STXBP4: variants seen among roughly 807,000 people sequenced by gnomAD.
The protein encoded by STXBP4 is syntaxin binding protein 4.
STXBP4 carries 55 observed loss-of-function variants against 76.1 expected under a neutral mutation model. That is an observed-to-expected ratio of 0.72 (90% CI 0.58 to 0.91). STXBP4 has a LOEUF of 0.91. Among genes scored for constraint, STXBP4 ranks in the 40% least tolerant of loss-of-function variants. The pLI is 0.00. For missense variants in STXBP4, 618 were observed against 636.9 expected (o/e 0.97, Z 0.32); for synonymous variants, 201 against 220.2 (o/e 0.91, Z 0.77).
At chr17:54,981,058 T>G (rs1598150011) in intron 1 of STXBP4, among the ~76,000 whole-genome samples, 1 of 152,194 alleles carries the variant, frequency 6.6e-6, no homozygotes, top group African/African-American at 2.4e-5. Context: ...GCCAAAAGAT[T>G]GGCCACCCCT....
intron 16 of STXBP4, among the ~76,000 whole-genome samples, chr17:55,094,530 G>T (rs1239805688): frequency 6.6e-6 from 1 of 152,096 alleles, no homozygotes; most frequent in African/African-American, 2.4e-5. Flanking sequence ...TAGTGTGTCA[G>T]CATGTATAAC....
At chr17:55,008,207 C>A in intron 8 of STXBP4, among the ~76,000 whole-genome samples, 2 of 151,420 alleles carry the variant, frequency 1.3e-5, no homozygotes, top group Admixed American at 6.6e-5. Context: ...GAAAAATAAG[C>A]CCCTTTTTTT....
chr17:55,081,115 T>A lies in STXBP4; in HGVS notation c.1421T>A (p.Ile474Asn). Residue 474 changes from isoleucine to asparagine, a missense_variant, in exon 16 of 18, where the codon ATC becomes AAC. Coordinates refer to ENST00000376352, the MANE Select transcript of STXBP4 (RefSeq NM_178509.6). Reference protein sequence around the residue: ...LTPLGRNGRSIPATLALESKE... With the variant: ...LTPLGRNGRSNPATLALESKE... ...CCACTGGGAAGGAATGGACGTAGCA[T>A]CCCAGCAACGCTGGCGCTTGAATCT... The A allele has an allele frequency of 6.4e-7, 1 of 1,558,424 alleles. No individual in the cohort carries two copies. Among genetic ancestry groups the A allele is most frequent in the Non-Finnish European group, 8.6e-7 (1 of 1,156,236 alleles).
At chr17:55,202,973 T>G in the STXBP4 span, among the ~76,000 whole-genome samples, 1 of 152,198 alleles carries the variant, frequency 6.6e-6, no homozygotes, top group Non-Finnish European at 1.5e-5. Flanking sequence ...AAGCTTCATT[T>G]TTCCACTAAG....
Position 55,078,124 on chromosome 17 carries a change from A to G in STXBP4, c.1235A>G (p.Gln412Arg), listed in dbSNP as rs1567751309. ...AAGAGAATCATGGTACTCGACTGCC[A>G]ATTACGAAAATCAGAAATGGCTCGA... ...LKKRIMVLDC[Q>R]LRKSEMARKT... The change falls in exon 14 of 18, where the codon CAA becomes CGA. Residue 412 changes from glutamine to arginine, a missense_variant. Gln to Arg is a conservative substitution (Grantham distance 43). Transcript: ENST00000376352. 2 of 1,612,550 alleles carry G rather than the reference A, an allele frequency of 1.2e-6. No individual in the cohort carries two copies. The highest frequency in any genetic ancestry group is 1.7e-6 in the Non-Finnish European group (2 of 1,179,220).
intron 8 of STXBP4, among the ~76,000 whole-genome samples, chr17:55,026,528 G>A (rs1326958726): frequency 6.6e-6 from 1 of 152,128 alleles, no homozygotes; most frequent in African/African-American, 2.4e-5. Context: ...TACACTATGA[G>A]CCAGCCAAAA....
the STXBP4 span, among the ~76,000 whole-genome samples, chr17:55,210,869 C>T: frequency 6.6e-6 from 1 of 152,110 alleles, no homozygotes; most frequent in South Asian, 2.1e-4. Flanking sequence ...CTTTAAATGG[C>T]TATATAATAT....
At chr17:55,185,145 A>T in the STXBP4 span, among the ~76,000 whole-genome samples, 1 of 152,084 alleles carries the variant, frequency 6.6e-6, no homozygotes, top group Non-Finnish European at 1.5e-5. Context: ...TGCTGGAATT[A>T]CAGGCATGAA....
At chr17:54,974,713 T>C (rs1222934960) in intron 1 of STXBP4, among the ~76,000 whole-genome samples, 2 of 152,222 alleles carry the variant, frequency 1.3e-5, no homozygotes, top group Non-Finnish European at 2.9e-5. Flanking sequence ...CAGGGCAAGC[T>C]GGTGGTGTTA....
chr17:55,013,334 G>A (rs965551563), intron 8 of STXBP4, among the ~76,000 whole-genome samples: 2 of 152,220 alleles, frequency 1.3e-5, no homozygotes, highest in African/African-American at 4.8e-5. Context: ...TTAGGGCCTG[G>A]AAAGCCACTT....
chr17:55,028,005 C>A (rs2078444880), intron 8 of STXBP4, among the ~76,000 whole-genome samples: 1 of 151,926 alleles, frequency 6.6e-6, no homozygotes, highest in South Asian at 2.1e-4. Context: ...ATAAGTCTTA[C>A]CTCTGGGAAT....
chr17:55,205,881 A>G, the STXBP4 span, among the ~76,000 whole-genome samples: 1 of 152,100 alleles, frequency 6.6e-6, no homozygotes, highest in Non-Finnish European at 1.5e-5. Context: ...TCCTCCTACA[A>G]AAATATTGGC....
At chr17:55,130,441 AT>A (rs1291646537) in intron 16 of STXBP4, among the ~76,000 whole-genome samples, 1 of 152,216 alleles carries the variant, frequency 6.6e-6, no homozygotes, top group African/African-American at 2.4e-5. Context: ...GTACAATGTG[AT>A]GTTTCAGTAT....
chr17:55,047,184 T>A, intron 12 of STXBP4, 30 bp downstream of exon 12: 1 of 1,144,500 alleles, frequency 8.7e-7, no homozygotes, highest in Non-Finnish European at 1.2e-6. Context: ...ATATATGTGC[T>A]CGTGTGTGTG....
At chr17:55,206,144 A>G in the STXBP4 span, among the ~76,000 whole-genome samples, 4 of 152,172 alleles carry the variant, frequency 2.6e-5, no homozygotes, top group Admixed American at 6.5e-5. Flanking sequence ...ATTATTCCAT[A>G]TACATTATGT....
the STXBP4 span, among the ~76,000 whole-genome samples, chr17:55,190,777 G>A: frequency 6.6e-6 from 1 of 152,090 alleles, no homozygotes; most frequent in African/African-American, 2.4e-5. Flanking sequence ...GTGCCAGCTG[G>A]TATTGTTAAC....
intron 16 of STXBP4, among the ~76,000 whole-genome samples, chr17:55,115,938 G>A (rs962721859): frequency 2.0e-5 from 3 of 151,866 alleles, no homozygotes; most frequent in African/African-American, 7.2e-5. Context: ...GGTTGGAAAT[G>A]ACAGAGTAAG....
At chr17:55,086,207 GGCTGGTTATAA>G (rs2079325725) in intron 16 of STXBP4, among the ~76,000 whole-genome samples, 1 of 151,988 alleles carries the variant, frequency 6.6e-6, no homozygotes, top group South Asian at 2.1e-4. Context: ...GTAATTTCCA[GGCTGGTTATAA>G]ATTAATTATG....
chr17:55,013,680 G>A (rs975917340), intron 8 of STXBP4, among the ~76,000 whole-genome samples: 3 of 152,218 alleles, frequency 2.0e-5, no homozygotes, highest in Non-Finnish European at 4.4e-5. Flanking sequence ...ATGGCACAAG[G>A]TTTCTGAACA....
Sources: gnomAD v4.1 joint callset for allele counts (sites outside exome capture counted in the v4.1 genomes callset) on GRCh38, gnomAD v4.1.1 for gene constraint, MANE v1.5 for transcripts, NCBI Gene and HGNC (gene_info 2026-07-23, HGNC 2026-07-21) for gene names.